Variants in KAT6B observed in about 807,000 individuals in gnomAD.
The protein encoded by KAT6B is lysine acetyltransferase 6B, also known as histone acetyltransferase KAT6B.
KAT6B carries 10 observed loss-of-function variants against 187.5 expected under a neutral mutation model. The observed-to-expected ratio is 0.05, with a 90% confidence interval of 0.03 to 0.09. The LOEUF (loss-of-function observed/expected upper bound fraction) is 0.09, where lower values mean the gene tolerates loss of function less well. Among genes scored for constraint, KAT6B ranks in the 10% least tolerant of loss-of-function variants. KAT6B has a pLI of 1.00. For synonymous variants in KAT6B, 861 were observed against 926.8 expected, an observed-to-expected ratio of 0.93 and a Z score of 1.29; for missense variants, 1,952 against 2,558.9, an observed-to-expected ratio of 0.76 and a Z score of 5.12.
Position 74,975,839 on chromosome 10 carries a change from C to T in KAT6B, c.1502C>T (p.Ser501Phe). Residue 501 changes from serine (S) to phenylalanine (F), a missense_variant, in exon 8 of 18, where the codon TCC (serine) becomes TTC (phenylalanine). By Grantham distance (155) the Ser-to-Phe change is radical (BLOSUM62 -2). Transcript: ENST00000287239. The stretch of plus-strand genomic sequence containing the variant: ...TCACTTCCACCCCCAACCCCCATCT[C>T]CGGTCAGAGCCCCAGTTCACAAAAG... ...PSSLPPPTPI[S>F]GQSPSSQKSS... 6.2e-7 allele frequency: 1 copy of T among 1,614,146 alleles called. No homozygotes were observed. The highest frequency in any genetic ancestry group is 8.5e-7 in the Non-Finnish European group (1 of 1,180,022).
intron 3 of KAT6B, among the ~76,000 whole-genome samples, chr10:74,869,392 A>G (rs1843760842): frequency 6.6e-6 from 1 of 151,736 alleles, no homozygotes; most frequent in South Asian, 2.1e-4. Flanking sequence ...CTGTCTCCTG[A>G]GTTCAGGTGA....
intron 3 of KAT6B, among the ~76,000 whole-genome samples, chr10:74,908,883 A>G (rs555068001): frequency 1.3e-5 from 2 of 152,236 alleles, no homozygotes; most frequent in South Asian, 2.1e-4. Flanking sequence ...CTGCAAGCCC[A>G]CATGCTGCCT....
At chr10:74,966,923 G>A (rs776113094) in intron 4 of KAT6B, among the ~76,000 whole-genome samples, 2 of 152,044 alleles carry the variant, frequency 1.3e-5, no homozygotes, top group Non-Finnish European at 2.9e-5. Flanking sequence ...CCAGCTACTC[G>A]AGAGGCTGAG....
chr10:74,969,937 A>G, intron 5 of KAT6B, 83 bp from the exon 6 acceptor site: 1 of 1,072,758 alleles, frequency 9.3e-7, no homozygotes, highest in East Asian at 2.4e-5. Context: ...ATATTGTATT[A>G]ATGTTAATCC....
At chr10:74,876,028 C>A (rs2132461897) in intron 3 of KAT6B, among the ~76,000 whole-genome samples, 1 of 152,292 alleles carries the variant, frequency 6.6e-6, no homozygotes, top group Middle Eastern at 3.4e-3. Context: ...AATAAACATA[C>A]AACCTCAAGC....
chr10:74,907,661 C>G (rs192467409), intron 3 of KAT6B, among the ~76,000 whole-genome samples: 1 of 152,212 alleles, frequency 6.6e-6, no homozygotes, highest in African/African-American at 2.4e-5. Context: ...TCCCAAGTAG[C>G]TGGGATTACA....
At chr10:75,021,781 T>G (rs1008777431) in intron 15 of KAT6B, 100 bp from the exon 16 acceptor site, 4 of 1,293,714 alleles carry the variant, frequency 3.1e-6, no homozygotes, top group Non-Finnish European at 4.4e-6. Context: ...CTGGCTGTCC[T>G]GATCAGAACC....
intron 7 of KAT6B, among the ~76,000 whole-genome samples, chr10:74,973,791 A>G (rs916573817): frequency 6.6e-6 from 1 of 152,220 alleles, no homozygotes; most frequent in Non-Finnish European, 1.5e-5. Flanking sequence ...CTTTCATGGT[A>G]GTATCATTTG....
intron 1 of KAT6B, among the ~76,000 whole-genome samples, chr10:74,827,961 G>T (rs1424822738): frequency 6.6e-6 from 1 of 152,092 alleles, no homozygotes; most frequent in Non-Finnish European, 1.5e-5. Flanking sequence ...CCCGTGATAC[G>T]CTGGATTCAT....
chr10:74,866,764 C>T (rs1332235137), intron 3 of KAT6B, among the ~76,000 whole-genome samples: 3 of 152,052 alleles, frequency 2.0e-5, no homozygotes, highest in East Asian at 3.8e-4. Flanking sequence ...GCATTAGAGG[C>T]GTTAAACACA....
intron 3 of KAT6B, among the ~76,000 whole-genome samples, chr10:74,859,222 A>T (rs1843006755): frequency 6.6e-6 from 1 of 152,032 alleles, no homozygotes; most frequent in South Asian, 2.1e-4. Flanking sequence ...CTGGAATTAC[A>T]GGTGCCTGCT....
At chr10:75,023,124 A>G (rs1317961404) in intron 16 of KAT6B, among the ~76,000 whole-genome samples, 1 of 152,198 alleles carries the variant, frequency 6.6e-6, no homozygotes, top group Non-Finnish European at 1.5e-5. Context: ...ATCATCTCCA[A>G]TGGTACAGAA....
At position 74,979,334 on chromosome 10, in the gene KAT6B, T is replaced by C. The variant is rs1056644655; in HGVS notation, c.2226T>C (p.Tyr742=). The C allele has an allele frequency of 6.3e-7, 1 of 1,590,324 alleles. No individual in the cohort carries two copies. The highest frequency in any genetic ancestry group is 1.7e-5 in the Admixed American group (1 of 59,972). ...ACTCCTCGCCTTACCCACAGGAATA[T>C]GCAAGGTAATGGAATAAGTCTGGCA... ...TWYSSPYPQE[Y]ARLPKLYLCE... is the part of the protein sequence containing the mutation. Residue 742 remains tyrosine, a synonymous_variant, in exon 10 of 18, where the codon TAT becomes TAC. Transcript: ENST00000287239.
At chr10:74,875,458 T>C (rs949662505) in intron 3 of KAT6B, among the ~76,000 whole-genome samples, 2 of 151,820 alleles carry the variant, frequency 1.3e-5, no homozygotes, top group African/African-American at 2.4e-5. Context: ...TAATGGAAAA[T>C]TGTCTTCCTT....
intron 11 of KAT6B, 179 bp downstream of exon 11, chr10:74,982,107 ATTTAGACT>A (rs1297363452): frequency 1.0e-5 from 6 of 594,054 alleles, no homozygotes; most frequent in Admixed American, 2.9e-5. Flanking sequence ...TTAAGCAACC[ATTTAGACT>A]GATGAAGAAT....
At chr10:74,870,147 C>T (rs1843812738) in intron 3 of KAT6B, among the ~76,000 whole-genome samples, 1 of 151,976 alleles carries the variant, frequency 6.6e-6, no homozygotes, top group Admixed American at 6.6e-5. Context: ...GGTGTGATGG[C>T]ATGCCCCTGT....
chr10:75,027,088 G>A (rs1219825926), intron 17 of KAT6B, among the ~76,000 whole-genome samples: 2 of 152,104 alleles, frequency 1.3e-5, no homozygotes, highest in Non-Finnish European at 1.5e-5. Context: ...GCAGTGAGCC[G>A]AGATCATGCC....
chr10:74,964,040 A>G (rs1841290541), intron 4 of KAT6B, among the ~76,000 whole-genome samples: 1 of 152,192 alleles, frequency 6.6e-6, no homozygotes, highest in South Asian at 2.1e-4. Context: ...CTGAGGCAGG[A>G]GAATGGCTTG....
At position 74,847,814 on chromosome 10, in the gene KAT6B, C is replaced by T. The variant is rs16931764; in HGVS notation, c.621+4336C>T. Among the ~76,000 whole-genome samples the T allele has an allele frequency of 1.5e-3, 232 of 151,654 alleles. 2 individuals are homozygous for T. The highest frequency in any genetic ancestry group is 5.2e-3 in the African/African-American group (216 of 41,374). On this transcript the variant is annotated intron_variant, in intron 3 of 17. Coordinates refer to ENST00000287239, the MANE Select transcript of KAT6B (RefSeq NM_012330.4). ...GTAAATTTAATAGAAATTCTTAGCC[C>T]GGGATCCACAAATGAACTTGGGTGG...
Sources: gnomAD v4.1 joint callset for allele counts (sites outside exome capture counted in the v4.1 genomes callset) on GRCh38, gnomAD v4.1.1 for gene constraint, MANE v1.5 for transcripts, NCBI Gene and HGNC (gene_info 2026-07-23, HGNC 2026-07-21) for gene names.